SUGCT: variants seen among roughly 807,000 people sequenced by gnomAD.
SUGCT encodes succinyl-CoA:glutarate CoA-transferase.
Under a neutral mutation model 55.0 loss-of-function variants are expected in SUGCT, and 41 were observed. The ratio of observed to expected loss-of-function variants is 0.74; its 90% CI spans 0.58 to 0.97. SUGCT has a LOEUF of 0.97. Ranked by LOEUF, SUGCT falls within the 50% of genes least tolerant of loss-of-function variation. SUGCT has a pLI of 0.00. For synonymous variants in SUGCT, 187 were observed against 200.4 expected, an observed-to-expected ratio of 0.93 and a Z score of 0.56; for missense variants, 568 against 547.8, an observed-to-expected ratio of 1.04 and a Z score of -0.37.
chr7:40,514,608 G>A (rs1400064750), intron 12 of SUGCT, among the ~76,000 whole-genome samples: 1 of 151,412 alleles, frequency 6.6e-6, no homozygotes, highest in African/African-American at 2.4e-5. Context: ...TACTTTGGAG[G>A]CTGAGGCAGG....
intron 13 of SUGCT, among the ~76,000 whole-genome samples, chr7:40,828,576 TAA>T (rs11419901): frequency 5.6e-4 from 50 of 89,888 alleles, no homozygotes; most frequent in Admixed American, 5.6e-4. Context: ...CTTGCTACAG[TAA>T]AAAAAAAAAA....
At chr7:40,887,576 A>G in the SUGCT span, among the ~76,000 whole-genome samples, 19 of 152,212 alleles carry the variant, frequency 1.2e-4, no homozygotes, top group African/African-American at 4.1e-4. Flanking sequence ...GTATTGACTG[A>G]GACAGAATAC....
At chr7:40,307,469 C>A (rs2151090298) in intron 8 of SUGCT, among the ~76,000 whole-genome samples, 1 of 152,174 alleles carries the variant, frequency 6.6e-6, no homozygotes, top group South Asian at 2.1e-4. Flanking sequence ...TGCCAGAAAC[C>A]AGGCTAGGTG....
At position 40,181,981 on chromosome 7, in the gene SUGCT, T is replaced by A. The variant is rs1452506777; in HGVS notation, c.179T>A (p.Met60Lys). The A allele has an allele frequency of 5.6e-6, 9 of 1,601,242 alleles. No individual in the cohort carries two copies. Among genetic ancestry groups the A allele is most frequent in the South Asian group, 5.6e-5 (5 of 89,066 alleles). The change falls in exon 3 of 14, where the codon ATG (methionine) becomes AAG (lysine). Residue 60 changes from methionine (M) to lysine (K), a missense_variant. By Grantham distance (95) the Met-to-Lys change is moderately conservative (BLOSUM62 -1). Transcript: ENST00000335693. ...TRVLAGPFAT[M>K]NLGDLGAEVI... ...GTCCTGGCGGGACCTTTTGCTACTA[T>A]GAATTTAGGAGATCTTGGAGCAGAA... is the stretch of plus-strand genomic sequence containing the variant.
intron 12 of SUGCT, among the ~76,000 whole-genome samples, chr7:40,504,750 G>A (rs1323053769): frequency 1.3e-5 from 2 of 152,090 alleles, no homozygotes; most frequent in East Asian, 1.9e-4. Flanking sequence ...CAGTTGTCTC[G>A]GTACCATTGT....
In SUGCT at chr7:40,208,128, A is replaced by G. The variant is rs112729923; in HGVS notation, c.484+13068A>G. Reference sequence around the variant, plus strand: ...GATTCTACTTATATGAGATTCCTAGAGCAGTAAAATTCATAGAGACAGGAA... The same window carrying G: ...GATTCTACTTATATGAGATTCCTAGGGCAGTAAAATTCATAGAGACAGGAA... On this transcript the variant is annotated intron_variant, in intron 6 of 13. Transcript: ENST00000335693. Among the ~76,000 whole-genome samples the G allele has an allele frequency of 4.2e-4, 64 of 152,324 alleles. 1 individual carries two copies. Among genetic ancestry groups the G allele is most frequent in the African/African-American group, 1.4e-3 (57 of 41,568 alleles).
chr7:40,398,756 TATA>T (rs1430527126), intron 9 of SUGCT, among the ~76,000 whole-genome samples: 2 of 152,152 alleles, frequency 1.3e-5, no homozygotes, highest in Non-Finnish European at 2.9e-5. Flanking sequence ...GTGAGAAAGA[TATA>T]ATTTATTTAG....
intron 12 of SUGCT, among the ~76,000 whole-genome samples, chr7:40,725,160 G>A (rs1040069085): frequency 6.6e-6 from 1 of 152,170 alleles, no homozygotes; most frequent in Non-Finnish European, 1.5e-5. Context: ...GTTATAGAAT[G>A]TAGAATTTTG....
the SUGCT span, among the ~76,000 whole-genome samples, chr7:40,939,664 T>G: frequency 2.0e-5 from 3 of 152,146 alleles, no homozygotes; most frequent in African/African-American, 4.8e-5. Context: ...TTTCATATGT[T>G]TGTTGGCCAT....
At chr7:40,748,070 A>G (rs1787822100) in intron 12 of SUGCT, among the ~76,000 whole-genome samples, 1 of 151,698 alleles carries the variant, frequency 6.6e-6, no homozygotes, top group Middle Eastern at 3.4e-3. Context: ...TGCACTAGTA[A>G]CTGGCCTTAG....
chr7:40,733,825 A>G (rs911663925), intron 12 of SUGCT, among the ~76,000 whole-genome samples: 9 of 152,212 alleles, frequency 5.9e-5, no homozygotes, highest in African/African-American at 2.2e-4. Flanking sequence ...CAGATATTGT[A>G]TGTGCCACGA....
intron 9 of SUGCT, among the ~76,000 whole-genome samples, chr7:40,412,035 T>A (rs922464260): frequency 6.6e-6 from 1 of 152,144 alleles, no homozygotes; most frequent in Non-Finnish European, 1.5e-5. Flanking sequence ...TTCCCACCCC[T>A]GTTTAAGCAC....
the SUGCT span, among the ~76,000 whole-genome samples, chr7:40,915,771 C>T: frequency 6.6e-6 from 1 of 152,208 alleles, no homozygotes; most frequent in African/African-American, 2.4e-5. Flanking sequence ...TACTACTGTA[C>T]CTACTATGTT....
At chr7:40,147,208 C>T (rs1384248897) in intron 1 of SUGCT, among the ~76,000 whole-genome samples, 1 of 152,056 alleles carries the variant, frequency 6.6e-6, no homozygotes, top group African/African-American at 2.4e-5. Context: ...TCTTTCTTCC[C>T]TAGAGAAGAA....
intron 13 of SUGCT, among the ~76,000 whole-genome samples, chr7:40,851,257 T>A (rs1209957038): frequency 6.6e-6 from 1 of 152,154 alleles, no homozygotes; most frequent in South Asian, 2.1e-4. Context: ...TGTACACATT[T>A]CTTAACCTCT....
At chr7:40,516,371 CATT>C (rs1385635997) in intron 12 of SUGCT, among the ~76,000 whole-genome samples, 1 of 152,102 alleles carries the variant, frequency 6.6e-6, no homozygotes, top group Non-Finnish European at 1.5e-5. Flanking sequence ...TTTTTAAAAA[CATT>C]ATTACTTGTG....
intron 9 of SUGCT, among the ~76,000 whole-genome samples, chr7:40,396,310 A>AT (rs1462706313): frequency 6.6e-6 from 1 of 151,992 alleles, no homozygotes; most frequent in African/African-American, 2.4e-5. Context: ...TTTTATACCA[A>AT]TTTTTCCGAG....
At chr7:40,810,566 A>G (rs1350753842) in intron 13 of SUGCT, among the ~76,000 whole-genome samples, 1 of 152,034 alleles carries the variant, frequency 6.6e-6, no homozygotes, top group Non-Finnish European at 1.5e-5. Context: ...TATGTCTTCA[A>G]CAGATGTGTC....
intron 12 of SUGCT, among the ~76,000 whole-genome samples, chr7:40,651,478 G>A (rs1043149153): frequency 6.6e-6 from 1 of 151,672 alleles, no homozygotes; most frequent in Non-Finnish European, 1.5e-5. Flanking sequence ...GTAGATTCTG[G>A]ATATTAGACC....
Sources: allele counts gnomAD v4.1 joint callset (sites outside exome capture counted in the v4.1 genomes callset), GRCh38; gene constraint gnomAD v4.1.1; transcripts MANE v1.5; gene names NCBI Gene and HGNC (gene_info 2026-07-23, HGNC 2026-07-21).